The following DHX29 variants were observed in gnomAD, a reference collection of about 807,000 sequenced individuals.
DHX29 encodes the protein ATP-dependent RNA helicase DHX29.
A neutral mutation model predicts 167.9 loss-of-function variants in DHX29; 79 were observed. The ratio of observed to expected loss-of-function variants is 0.47; its 90% CI spans 0.39 to 0.57. The LOEUF (loss-of-function observed/expected upper bound fraction) is 0.57, where lower values mean the gene tolerates loss of function less well. DHX29 is among the 20% of genes least tolerant of loss of function. The probability of loss-of-function intolerance (pLI) is 0.00; values close to 1 mark genes in which losing one functional copy is unlikely to be tolerated. For missense variants in DHX29, 1,347 were observed against 1,593.4 expected, an observed-to-expected ratio of 0.85 and a Z score of 2.63; for synonymous variants, 530 against 546.0, an observed-to-expected ratio of 0.97 and a Z score of 0.41.
chr5:55,262,104 T>G (rs1186904312), intron 24 of DHX29, among the ~76,000 whole-genome samples: 1 of 152,162 alleles, frequency 6.6e-6, no homozygotes, highest in South Asian at 2.1e-4. Context: ...GAAAATGCCA[T>G]CTTAACCTTT....
intron 3 of DHX29, 143 bp downstream of exon 3, chr5:55,297,142 C>A (rs1015716055): frequency 1.0e-5 from 6 of 590,276 alleles, no homozygotes; most frequent in Non-Finnish European, 1.8e-5. Context: ...TTAAGGTGTG[C>A]ACAATTCTTT....
intron 1 of DHX29, among the ~76,000 whole-genome samples, chr5:55,303,444 G>C (rs1748705162): frequency 6.6e-6 from 1 of 152,188 alleles, no homozygotes; most frequent in Non-Finnish European, 1.5e-5. Context: ...AGAGTGCCAA[G>C]AAAATAGATG....
chr5:55,269,940 T>C (rs565296729), intron 20 of DHX29, among the ~76,000 whole-genome samples: 5 of 152,314 alleles, frequency 3.3e-5, no homozygotes, highest in South Asian at 4.1e-4. Flanking sequence ...AAGGATATTA[T>C]AGATCTTTCA....
intron 16 of DHX29, among the ~76,000 whole-genome samples, chr5:55,274,086 C>CA (rs201970753): frequency 0.048 from 3,564 of 73,562 alleles, 88 homozygotes; most frequent in African/African-American, 0.082. Flanking sequence ...GACTCTGCCT[C>CA]AAAAAAAAAA....
At position 55,261,354 on chromosome 5, in the gene DHX29, G is replaced by A; in HGVS notation, c.3960+14C>T. On this transcript the variant is annotated intron_variant, in intron 25 of 26. Transcript: ENST00000251636. ...AAATTTTTAATAATCAATAAAATCA[G>A]TTGTACTATGTACCTGAAAATAGAT... 1.3e-6 allele frequency: 2 copies of A among 1,489,506 alleles called. No homozygotes were observed. Among genetic ancestry groups the A allele is most frequent in the East Asian group, 4.6e-5 (2 of 43,700 alleles). The allele number at this position is 1,489,506 out of a possible 1,614,324, so 92.3% of individuals were successfully genotyped here.
chr5:55,299,280 C>G (rs542324178), intron 1 of DHX29, among the ~76,000 whole-genome samples: 53 of 152,224 alleles, frequency 3.5e-4, no homozygotes, highest in Middle Eastern at 6.8e-3. Context: ...TTTCTCCTGG[C>G]ACTTAGCTGA....
chr5:55,267,143 G>T lies in DHX29; in HGVS notation c.3520C>A (p.Leu1174Ile). 6.2e-7 allele frequency: 1 copy of T among 1,602,886 alleles called. No homozygotes were observed. Among genetic ancestry groups the T allele is most frequent in the Non-Finnish European group, 8.5e-7 (1 of 1,171,254 alleles). ...NFLNRTSLLT[L>I]EDVKQELIKL... ...AGATCCATATTAAGAATTACCTCTAGGGTTAACAGTGATGTTCTATTAAGA... is the reference window on the plus strand; with the variant it reads ...AGATCCATATTAAGAATTACCTCTATGGTTAACAGTGATGTTCTATTAAGA... Residue 1174 changes from leucine (L) to isoleucine (I), a missense_variant, in exon 23 of 27, where the codon CTA (leucine) becomes ATA (isoleucine). Coordinates refer to ENST00000251636, the MANE Select transcript of DHX29 (RefSeq NM_019030.4).
intron 1 of DHX29, among the ~76,000 whole-genome samples, chr5:55,303,347 G>T (rs533114795): frequency 1.3e-5 from 2 of 152,196 alleles, no homozygotes; most frequent in Non-Finnish European, 2.9e-5. Flanking sequence ...AACAGACCCA[G>T]TGCCTGTCCT....
In DHX29 at chr5:55,285,387, A is replaced by T. The variant is rs1278901846; in HGVS notation, c.1262T>A (p.Val421Asp). The T allele has an allele frequency of 5.6e-6, 9 of 1,613,656 alleles. No homozygotes were observed. The Middle Eastern group carries it at 1.0e-3, about 187-fold the overall frequency. ...RVRVIKSEDD[V>D]LVVCPTILTE... ...TAAGATTGTAGGGCATACTACCAGG[A>T]CATCATCTTCAGACTTGATTACCCT... is the stretch of plus-strand genomic sequence containing the variant. The change falls in exon 10 of 27, where the codon GTC becomes GAC. Residue 421 changes from valine (V) to aspartate (D), a missense_variant. Physicochemically the swap from Val to Asp is radical, Grantham distance 152. Transcript: ENST00000251636.
Position 55,267,787 on chromosome 5 carries a change from AG to A in DHX29, c.3329del (p.Pro1110LeufsTer27). ...TLAAVMTEKS[P>X]FTTPIGRKDE... ...CTTTTCGACCAATTGGTGTGGTAAA[AG>A]GAGACTTCTCTGTCATAACTGCAGC... is the stretch of plus-strand genomic sequence containing the variant. On this transcript the variant is annotated frameshift_variant, in exon 22 of 27. Coordinates refer to ENST00000251636, the MANE Select transcript of DHX29 (RefSeq NM_019030.4). LOFTEE classifies it high-confidence loss of function. The A allele has an allele frequency of 6.2e-7, 1 of 1,605,184 alleles. No homozygotes were observed. Among genetic ancestry groups the A allele is most frequent in the Non-Finnish European group, 8.5e-7 (1 of 1,175,246 alleles).
At chr5:55,287,235 G>A (rs1292689913) in intron 8 of DHX29, among the ~76,000 whole-genome samples, 2 of 152,182 alleles carry the variant, frequency 1.3e-5, no homozygotes, top group African/African-American at 4.8e-5. Flanking sequence ...GAGGTCAGGA[G>A]TTCAAGACCA....
chr5:55,268,374 CAAAG>C (rs879623604), intron 21 of DHX29, among the ~76,000 whole-genome samples: 5 of 152,276 alleles, frequency 3.3e-5, no homozygotes, highest in Admixed American at 2.6e-4. Context: ...AAATACCAAA[CAAAG>C]AGAGACTATA....
chr5:55,298,822 A>C (rs1186348285), intron 1 of DHX29, among the ~76,000 whole-genome samples, 158 bp from the exon 2 acceptor site: 1 of 151,268 alleles, frequency 6.6e-6, no homozygotes, highest in Admixed American at 6.6e-5. Context: ...TGAGGTCAGG[A>C]GATCGAGACC....
At chr5:55,297,983 A>G (rs1425732043) in intron 2 of DHX29, among the ~76,000 whole-genome samples, 1 of 152,216 alleles carries the variant, frequency 6.6e-6, no homozygotes, top group Non-Finnish European at 1.5e-5. Flanking sequence ...TTTTAACTAA[A>G]TGCCTACTAT....
intron 1 of DHX29, among the ~76,000 whole-genome samples, chr5:55,303,617 C>T (rs1013873520): frequency 2.0e-5 from 3 of 152,216 alleles, no homozygotes; most frequent in African/African-American, 7.2e-5. Context: ...GGCTCCTTCC[C>T]AGACTTCCAG....
At position 55,274,718 on chromosome 5, in the gene DHX29, T is replaced by C. The variant is rs1293703528; in HGVS notation, c.2586A>G (p.Gln862=). The change falls in exon 16 of 27, where the codon CAA becomes CAG. Residue 862 remains glutamine (Q), a synonymous_variant. Transcript: ENST00000251636. ...ELLAYLDKSP[Q]FRNIEGAVLI... Reference sequence around the variant, plus strand: ...ATACTGCTCCTTCAATATTTCTGAATTGGGGACTTTTATCTGAAATTTTTA... The same window carrying C: ...ATACTGCTCCTTCAATATTTCTGAACTGGGGACTTTTATCTGAAATTTTTA... 4 of 1,588,380 alleles carry C rather than the reference T, an allele frequency of 2.5e-6. No individual in the cohort carries two copies. Among genetic ancestry groups the C allele is most frequent in the Non-Finnish European group, 3.4e-6 (4 of 1,172,222 alleles).
rs774777391 is a variant in DHX29 at position 55,281,412 on chromosome 5, T to G, written c.2069A>C (p.Asp690Ala). ...TGVLLRKLQE[D>A]GLLSNVSHVI... ...ATGAGACACATTACTTAGAAGACCA[T>G]CTTCTTGAAGTTTCCTTAGCAAAAC... Residue 690 changes from aspartate to alanine, a missense_variant, in exon 12 of 27, where the codon GAT becomes GCT. Coordinates refer to ENST00000251636, the MANE Select transcript of DHX29 (RefSeq NM_019030.4). 2 of 1,602,342 alleles carry G rather than the reference T, an allele frequency of 1.2e-6. No homozygotes were observed. Among genetic ancestry groups the G allele is most frequent in the Non-Finnish European group, 1.7e-6 (2 of 1,174,210 alleles).
chr5:55,282,934 A>T, intron 11 of DHX29: 1 of 248,466 alleles, frequency 4.0e-6, no homozygotes, highest in Non-Finnish European at 7.6e-6. Context: ...TTTAGTGTGT[A>T]ACATATTTGA....
chr5:55,283,828 G>C lies in DHX29; in HGVS notation c.1357-17C>G, dbSNP rs760732003. 3.9e-6 allele frequency: 6 copies of C among 1,541,824 alleles called. No individual in the cohort carries two copies. Among genetic ancestry groups the C allele is most frequent in the Non-Finnish European group, 5.2e-6 (6 of 1,149,514 alleles). ...ATGAACTGACTAAAGGAAAAACAGA[G>C]GTATGTTATTTTCACTAACTATTCA... On this transcript the variant is annotated splice_polypyrimidine_tract_variant and intron_variant, in intron 10 of 26. Coordinates refer to ENST00000251636, the MANE Select transcript of DHX29 (RefSeq NM_019030.4).
Sources: allele counts gnomAD v4.1 joint callset (sites outside exome capture counted in the v4.1 genomes callset), GRCh38; gene constraint gnomAD v4.1.1; transcripts MANE v1.5; gene names NCBI Gene and HGNC (gene_info 2026-07-23, HGNC 2026-07-21).